Variants in ERO1B observed in about 807,000 individuals in gnomAD.
The protein encoded by ERO1B is endoplasmic reticulum oxidoreductase 1 beta, also known as ERO1-like protein beta.
In ERO1B, 49 loss-of-function variants were observed where a neutral mutation model predicts 75.3. That is an observed-to-expected ratio of 0.65 (90% CI 0.52 to 0.83). ERO1B has a LOEUF of 0.83. Among genes scored for constraint, ERO1B ranks in the 40% least tolerant of loss-of-function variants. The pLI is 0.00. For synonymous variants in ERO1B, 191 were observed against 192.9 expected, an observed-to-expected ratio of 0.99 and a Z score of 0.08; for missense variants, 512 against 560.1, an observed-to-expected ratio of 0.91 and a Z score of 0.87.
rs941255715 is a variant in ERO1B at position 236,216,119 on chromosome 1, A to T, written c.*2397T>A. ...TAACTTACATAGATGCCACTTAAGT[A>T]AAAAATAAACTTACGCCATTGAAGG... On this transcript the variant is annotated 3_prime_UTR_variant, in exon 16 of 16. Transcript: ENST00000354619. The T allele has an allele frequency of 6.6e-6, 1 of 152,172 alleles. No homozygotes were observed. Among genetic ancestry groups the T allele is most frequent in the Admixed American group, 6.5e-5 (1 of 15,272 alleles). 9.4% of individuals were successfully genotyped at this position (152,172 alleles called of 1,614,324 possible).
intron 10 of ERO1B, among the ~76,000 whole-genome samples, chr1:236,227,825 C>T (rs1405336763): frequency 6.6e-6 from 1 of 152,092 alleles, no homozygotes; most frequent in African/African-American, 2.4e-5. Context: ...CTTTTGAGTT[C>T]TCGTTCCCTA....
intron 2 of ERO1B, among the ~76,000 whole-genome samples, chr1:236,256,532 CG>C (rs34401951): frequency 0.25 from 37,642 of 151,952 alleles, 4,843 homozygotes; most frequent in East Asian, 0.38. Flanking sequence ...TGGAAGGAGG[CG>C]GGGGGACCTC....
chr1:236,238,991 G>A (rs926728299), intron 6 of ERO1B, among the ~76,000 whole-genome samples: 1 of 152,016 alleles, frequency 6.6e-6, no homozygotes, highest in Non-Finnish European at 1.5e-5. Flanking sequence ...TTACTTTGTT[G>A]TGCAGGCTGG....
At chr1:236,256,771 T>C (rs1288760429) in intron 2 of ERO1B, among the ~76,000 whole-genome samples, 1 of 152,214 alleles carries the variant, frequency 6.6e-6, no homozygotes, top group East Asian at 1.9e-4. Context: ...CCAACTTTTA[T>C]AGCCTTCACT....
Position 236,220,865 on chromosome 1 carries a change from T to G in ERO1B, c.1310A>C (p.Gln437Pro). Residue 437 changes from glutamine to proline, a missense_variant, in exon 15 of 16, where the codon CAG (glutamine) becomes CCG (proline). Transcript: ENST00000354619. ...SPSKGFQLTR[Q>P]EIVALLNAFG... ...AGCATTTAAAAGAGCAACTATTTCC[T>G]GTCGGGTGAGTTGGAAGCCTTTAGA... 6.3e-7 allele frequency: 1 copy of G among 1,589,532 alleles called. No individual in the cohort carries two copies. The highest frequency in any genetic ancestry group is 8.5e-7 in the Non-Finnish European group (1 of 1,169,946).
intron 11 of ERO1B, 38 bp downstream of exon 11, chr1:236,226,606 CACT>C: frequency 1.3e-6 from 2 of 1,596,680 alleles, no homozygotes; most frequent in East Asian, 2.2e-5. Flanking sequence ...ATAATTTTTA[CACT>C]AATAGAAGGC....
At chr1:236,257,235 T>C (rs1396042618) in intron 2 of ERO1B, among the ~76,000 whole-genome samples, 4 of 152,232 alleles carry the variant, frequency 2.6e-5, no homozygotes, top group Admixed American at 1.3e-4. Flanking sequence ...AAGAAACACC[T>C]GGTACATAAG....
intron 2 of ERO1B, among the ~76,000 whole-genome samples, chr1:236,253,776 C>T (rs746352051): frequency 6.6e-6 from 1 of 152,208 alleles, no homozygotes; most frequent in Non-Finnish European, 1.5e-5. Flanking sequence ...CTCTCATGCA[C>T]CCATTTATTC....
At chr1:236,249,472 A>T (rs1664964306) in intron 5 of ERO1B, among the ~76,000 whole-genome samples, 1 of 152,196 alleles carries the variant, frequency 6.6e-6, no homozygotes, top group African/African-American at 2.4e-5. Flanking sequence ...AGAACAAATA[A>T]GGAAAAGTTA....
At chr1:236,258,137 A>C (rs1284140304) in intron 2 of ERO1B, among the ~76,000 whole-genome samples, 7 of 116,188 alleles carry the variant, frequency 6.0e-5, no homozygotes, top group Admixed American at 3.9e-4. Context: ...AAGAAAAAAA[A>C]GAAAAACAAA....
chr1:236,235,524 T>C (rs1266432641), intron 8 of ERO1B, among the ~76,000 whole-genome samples: 1 of 152,206 alleles, frequency 6.6e-6, no homozygotes, highest in African/African-American at 2.4e-5. Flanking sequence ...TTGATATATA[T>C]TGATTACTCA....
intron 2 of ERO1B, among the ~76,000 whole-genome samples, chr1:236,256,928 T>G (rs1665173020): frequency 6.6e-6 from 1 of 152,112 alleles, no homozygotes; most frequent in Non-Finnish European, 1.5e-5. Context: ...AGTTAAAAAG[T>G]CACCAGTTAG....
intron 10 of ERO1B, among the ~76,000 whole-genome samples, chr1:236,227,650 T>G (rs1664310552): frequency 6.6e-6 from 1 of 152,146 alleles, no homozygotes; most frequent in Non-Finnish European, 1.5e-5. Flanking sequence ...GCTTTAATAG[T>G]GGAAAGCAAA....
chr1:236,263,156 A>C (rs1045441767), intron 2 of ERO1B, among the ~76,000 whole-genome samples: 2 of 152,128 alleles, frequency 1.3e-5, no homozygotes, highest in African/African-American at 4.8e-5. Context: ...GCTCTTGTAC[A>C]CTTATCACTG....
chr1:236,271,304 T>C (rs572104510), intron 1 of ERO1B, among the ~76,000 whole-genome samples: 1 of 152,310 alleles, frequency 6.6e-6, no homozygotes, highest in Admixed American at 6.5e-5. Flanking sequence ...TGGAAACCAG[T>C]CCTTGCAAGC....
chr1:236,258,162 A>C (rs72751315), intron 2 of ERO1B, among the ~76,000 whole-genome samples: 178 of 136,224 alleles, frequency 1.3e-3, no homozygotes, highest in East Asian at 2.7e-3. Flanking sequence ...AAAAAAAAAA[A>C]ACCCAGCCAG....
chr1:236,218,531 T>C lies in ERO1B; in HGVS notation c.1389A>G (p.Leu463=), dbSNP rs763370673. ...IRDLQNFKVL[L]QHSR is the part of the protein sequence containing the mutation. ...AAAGCCTTTATTACCTACTGTGTTG[T>C]AATAAGACTTTAAAATTCTGTAAGT... The change falls in exon 16 of 16, where the codon TTA becomes TTG. Residue 463 remains leucine, a synonymous_variant. Coordinates refer to ENST00000354619, the MANE Select transcript of ERO1B (RefSeq NM_019891.4). 7.1e-7 allele frequency: 1 copy of C among 1,417,942 alleles called. No homozygotes were observed. The highest frequency in any genetic ancestry group is 1.5e-5 in the African/African-American group (1 of 67,892). 87.8% of individuals were successfully genotyped at this position (1,417,942 alleles called of 1,614,324 possible).
chr1:236,258,820 C>T (rs1033276986), intron 2 of ERO1B, among the ~76,000 whole-genome samples: 11 of 152,124 alleles, frequency 7.2e-5, no homozygotes, highest in South Asian at 4.1e-4. Flanking sequence ...ACTTGGGAGG[C>T]GGACGTTGCA....
At position 236,232,845 on chromosome 1, in the gene ERO1B, A is replaced by G. The variant is rs1230817498; in HGVS notation, c.674-6T>C. 2.5e-6 allele frequency: 4 copies of G among 1,594,648 alleles called. No individual in the cohort carries two copies. ...TTGCTCACCATCATCTTCGCCTAAA[A>G]GAGAAAATAATAGAAAAGATTTTAG... On this transcript the variant is annotated splice_polypyrimidine_tract_variant and splice_region_variant and intron_variant, in intron 8 of 15. Transcript: ENST00000354619.
Sources: gnomAD v4.1 joint callset for allele counts (sites outside exome capture counted in the v4.1 genomes callset) on GRCh38, gnomAD v4.1.1 for gene constraint, MANE v1.5 for transcripts, NCBI Gene and HGNC (gene_info 2026-07-23, HGNC 2026-07-21) for gene names.